Variants in LMBR1 observed in about 807,000 individuals in gnomAD.
LMBR1 encodes the protein limb region 1 protein homolog.
In LMBR1, 52 loss-of-function variants were observed where a neutral mutation model predicts 73.9. That is an observed-to-expected ratio of 0.70 (90% confidence interval 0.56 to 0.89). LMBR1 has a LOEUF of 0.89. Ranked by LOEUF, LMBR1 falls within the 40% of genes least tolerant of loss-of-function variation. The probability of loss-of-function intolerance (pLI) is 0.00; values close to 1 mark genes in which losing one functional copy is unlikely to be tolerated. For synonymous variants in LMBR1, 215 were observed against 209.4 expected (o/e 1.03, Z -0.23); for missense variants, 539 against 579.8 (o/e 0.93, Z 0.72).
intron 5 of LMBR1, among the ~76,000 whole-genome samples, chr7:156,794,301 A>T (rs942716461): frequency 3.3e-5 from 5 of 152,228 alleles, no homozygotes; most frequent in Non-Finnish European, 4.4e-5. Flanking sequence ...AAATTTTTTT[A>T]AAATAGAGGA....
intron 15 of LMBR1, among the ~76,000 whole-genome samples, chr7:156,690,984 TCAGA>T (rs1302841102): frequency 6.6e-6 from 1 of 152,164 alleles, no homozygotes; most frequent in Non-Finnish European, 1.5e-5. Flanking sequence ...ATGGCAATAC[TCAGA>T]CAAAGCTTTA....
intron 3 of LMBR1, among the ~76,000 whole-genome samples, chr7:156,833,145 T>A (rs1836985584): frequency 6.6e-6 from 1 of 152,256 alleles, no homozygotes; most frequent in Non-Finnish European, 1.5e-5. Flanking sequence ...CCACCTTTTC[T>A]ATAAACTTGA....
At chr7:156,859,204 C>T (rs1283255754) in intron 1 of LMBR1, among the ~76,000 whole-genome samples, 8 of 150,602 alleles carry the variant, frequency 5.3e-5, no homozygotes, top group Admixed American at 1.3e-4. Flanking sequence ...GCCGAGATTG[C>T]GCCATTGCAG....
At chr7:156,788,609 A>G (rs1828592520) in intron 5 of LMBR1, among the ~76,000 whole-genome samples, 1 of 145,702 alleles carries the variant, frequency 6.9e-6, no homozygotes, top group South Asian at 2.2e-4. Flanking sequence ...CAGGCTCTCA[A>G]CATATCTTGT....
At chr7:156,676,529 C>G (rs1199242467), downstream of LMBR1, 1 of 1,614,140 alleles carries the variant, frequency 6.2e-7, no homozygotes, top group East Asian at 2.2e-5. Context: ...CCCTCCTGTC[C>G]TGCTCACATG....
chr7:156,763,235 C>CA (rs1344760130), intron 6 of LMBR1, 59 bp from the exon 7 acceptor site: 2 of 714,872 alleles, frequency 2.8e-6, no homozygotes, highest in Non-Finnish European at 2.3e-6. Flanking sequence ...TTAAGATAGT[C>CA]AGTCTATCTT....
rs1165317600 is a variant in LMBR1, at chr7:156,683,958, G to T, written c.*120C>A. On this transcript the variant is annotated 3_prime_UTR_variant, in exon 17 of 17. Coordinates refer to ENST00000353442, the MANE Select transcript of LMBR1 (RefSeq NM_022458.4). The stretch of plus-strand genomic sequence containing the variant: ...TAGATTATGAAAAAAAAATGGCACT[G>T]ATAGGTCTAGGTTCTGAAGAGGGGC... 5 of 753,994 alleles carry T rather than the reference G, an allele frequency of 6.6e-6. No individual in the cohort carries two copies. Among genetic ancestry groups the T allele is most frequent in the Non-Finnish European group, 8.9e-6 (4 of 447,200 alleles). The allele number at this position is 753,994 out of a possible 1,614,324, so 46.7% of individuals were successfully genotyped here. A position where few individuals can be genotyped will look rare whatever the true frequency, so the allele number is the denominator to read the frequency against.
intron 1 of LMBR1, among the ~76,000 whole-genome samples, chr7:156,837,572 A>C (rs1837892533): frequency 6.6e-6 from 1 of 152,132 alleles, no homozygotes; most frequent in Non-Finnish European, 1.5e-5. Flanking sequence ...AAACATTATC[A>C]AAAGCTTCAA....
chr7:156,807,813 T>C (rs1289640247), intron 4 of LMBR1, among the ~76,000 whole-genome samples: 1 of 152,202 alleles, frequency 6.6e-6, no homozygotes, highest in East Asian at 1.9e-4. Context: ...AAATGTTTTA[T>C]TTTCATTTCA....
intron 15 of LMBR1, among the ~76,000 whole-genome samples, chr7:156,711,375 C>T (rs1446773994): frequency 6.6e-6 from 1 of 152,088 alleles, no homozygotes; most frequent in Non-Finnish European, 1.5e-5. Context: ...AATGGAAAAA[C>T]ATCCCATGCT....
chr7:156,837,181 A>AT (rs1554544874), intron 1 of LMBR1, among the ~76,000 whole-genome samples: 29 of 151,434 alleles, frequency 1.9e-4, no homozygotes, highest in Admixed American at 1.8e-3. Context: ...AAAAAAAAAA[A>AT]ATATTAGCAG....
At position 156,787,811 on chromosome 7, in the gene LMBR1, C is replaced by G. The variant is rs147498396; in HGVS notation, c.423+8578G>C. 6.1e-3 allele frequency among the ~76,000 whole-genome samples: 926 copies of G among 152,326 alleles called. 11 individuals carry two copies. Among genetic ancestry groups the G allele is most frequent in the African/African-American group, 0.021 (853 of 41,578 alleles). On this transcript the variant is annotated intron_variant, in intron 5 of 16. Transcript: ENST00000353442. The stretch of plus-strand genomic sequence containing the variant: ...TATTTTTTAGAGACGGAGTCTCGCT[C>G]TGTCGCCCAGGCTGGAGTGCAACAG...
chr7:156,732,178 T>C (rs1338393781), intron 10 of LMBR1, among the ~76,000 whole-genome samples: 1 of 151,920 alleles, frequency 6.6e-6, no homozygotes, highest in Non-Finnish European at 1.5e-5. Context: ...CTTGAAACAA[T>C]TAAGAAACCA....
intron 12 of LMBR1, chr7:156,726,099 A>G (rs1720311046): frequency 2.9e-6 from 1 of 343,590 alleles, no homozygotes; most frequent in South Asian, 8.1e-5. Flanking sequence ...AGATGACATG[A>G]TTATGCTTAC....
chr7:156,688,304 C>A, intron 15 of LMBR1, 113 bp from the exon 16 acceptor site: 2 of 676,390 alleles, frequency 3.0e-6, no homozygotes, highest in Non-Finnish European at 4.8e-6. Flanking sequence ...ACTTCTGTGA[C>A]GTGAGATGCT....
At chr7:156,888,409 CAAAA>C (rs57071729) in intron 1 of LMBR1, among the ~76,000 whole-genome samples, 2 of 91,932 alleles carry the variant, frequency 2.2e-5, no homozygotes, top group Non-Finnish European at 2.3e-5. Context: ...GACTCTGTCT[CAAAA>C]AAAAAAAAAA....
At chr7:156,842,555 GTTAATT>G (rs1459840304) in intron 1 of LMBR1, among the ~76,000 whole-genome samples, 1 of 152,186 alleles carries the variant, frequency 6.6e-6, no homozygotes, top group African/African-American at 2.4e-5. Context: ...AAAACAGGCA[GTTAATT>G]TTAAAGAACT....
intron 4 of LMBR1, among the ~76,000 whole-genome samples, chr7:156,810,864 A>G (rs1418308654): frequency 6.6e-6 from 1 of 151,470 alleles, no homozygotes; most frequent in African/African-American, 2.4e-5. Context: ...GCTGGAGTAC[A>G]GTGGCGCAAT....
chr7:156,725,066 C>T (rs1815445237), intron 14 of LMBR1, among the ~76,000 whole-genome samples: 2 of 152,074 alleles, frequency 1.3e-5, no homozygotes, highest in Admixed American at 6.6e-5. Flanking sequence ...ATACTTTGTC[C>T]CTACTACTTG....
Sources: gnomAD v4.1 joint callset for allele counts (sites outside exome capture counted in the v4.1 genomes callset) on GRCh38, gnomAD v4.1.1 for gene constraint, MANE v1.5 for transcripts, NCBI Gene and HGNC (gene_info 2026-07-23, HGNC 2026-07-21) for gene names.